Variants in SLC15A5 observed in about 807,000 individuals in gnomAD.
The protein encoded by SLC15A5 is solute carrier family 15 member 5, also known as Peptide/histidine transporter ENSP00000340402.
Under a neutral mutation model 56.1 loss-of-function variants are expected in SLC15A5, and 58 were observed. The observed-to-expected ratio is 1.03, with a 90% confidence interval of 0.84 to 1.29. SLC15A5 has a LOEUF of 1.29. Among genes scored for constraint, SLC15A5 ranks in the 50% most tolerant of loss-of-function variants. The pLI, the probability that SLC15A5 is intolerant of heterozygous loss-of-function variation, is 0.00. For missense variants in SLC15A5, 681 were observed against 672.1 expected (o/e 1.01, Z -0.15); for synonymous variants, 264 against 250.5 (o/e 1.05, Z -0.51).
At chr12:16,233,486 C>T (rs1479517822) in intron 5 of SLC15A5, among the ~76,000 whole-genome samples, 1 of 152,170 alleles carries the variant, frequency 6.6e-6, no homozygotes, top group Non-Finnish European at 1.5e-5. Flanking sequence ...AAATGTTCAT[C>T]TGTGTAAACC....
At chr12:16,233,704 C>T (rs1022659091) in intron 5 of SLC15A5, among the ~76,000 whole-genome samples, 4 of 152,192 alleles carry the variant, frequency 2.6e-5, no homozygotes, top group African/African-American at 7.2e-5. Context: ...TCTTTTGGGC[C>T]ACTTTCTTTG....
At chr12:16,276,475 C>T (rs549169717) in intron 1 of SLC15A5, among the ~76,000 whole-genome samples, 5 of 152,086 alleles carry the variant, frequency 3.3e-5, no homozygotes, top group African/African-American at 1.2e-4. Flanking sequence ...CACTTGTTCT[C>T]TCCTGAATTG....
At chr12:16,191,654 A>G (rs1356634871) in intron 8 of SLC15A5, among the ~76,000 whole-genome samples, 1 of 152,050 alleles carries the variant, frequency 6.6e-6, no homozygotes, top group Non-Finnish European at 1.5e-5. Flanking sequence ...ATCAGTATAG[A>G]AAAAAATCGG....
Position 16,196,029 on chromosome 12 carries a change from TTGTAAAGGTAA to T in SLC15A5, c.1484-1587_1484-1577del, listed in dbSNP as rs1479577948. On this transcript the variant is annotated intron_variant, in intron 7 of 8. Coordinates refer to ENST00000344941, the MANE Select transcript of SLC15A5 (RefSeq NM_001170798.1). The surrounding 1 kb of genome is among the most constrained non-coding windows in gnomAD (Gnocchi z 4.0). The stretch of plus-strand genomic sequence containing the variant: ...GTATTATTTTGTCAAAAGAACTGGG[TTGTAAAGGTAA>T]TCCTGATTATGCTATTAATTTGCAG... 6.6e-6 allele frequency among the ~76,000 whole-genome samples: 1 copy of T among 152,056 alleles called. No homozygotes were observed. Among genetic ancestry groups the T allele is most frequent in the Non-Finnish European group, 1.5e-5 (1 of 67,996 alleles).
At chr12:16,197,823 G>A (rs190559163) in intron 7 of SLC15A5, among the ~76,000 whole-genome samples, 2 of 151,324 alleles carry the variant, frequency 1.3e-5, no homozygotes, top group African/African-American at 2.4e-5. Context: ...AGTTGACTCC[G>A]CTCTTAGGTA....
chr12:16,199,947 A>C (rs967695426), intron 7 of SLC15A5, among the ~76,000 whole-genome samples: 10 of 152,038 alleles, frequency 6.6e-5, no homozygotes, highest in Non-Finnish European at 1.0e-4. Flanking sequence ...AAAATGCTGT[A>C]AAGTTCTCAT....
rs1051035225 is a variant in SLC15A5, at chr12:16,277,192, A to G, written c.361+133T>C. 2.6e-5 allele frequency: 23 copies of G among 888,698 alleles called. No individual in the cohort carries two copies. In the Middle Eastern group the frequency reaches 1.2e-3, roughly 47 times the overall value. The allele number at this position is 888,698 out of a possible 1,614,324, so 55.1% of individuals were successfully genotyped here. A position where few individuals can be genotyped will look rare whatever the true frequency, so the allele number is the denominator to read the frequency against. ...TCAAATAGTACAAAGAATGAAATAC[A>G]TTGAACCCACATTCTTACTTCATTT... is the stretch of plus-strand genomic sequence containing the variant. On this transcript the variant is annotated intron_variant, in intron 1 of 8. Transcript: ENST00000344941.
At position 16,258,952 on chromosome 12, in the gene SLC15A5, G is replaced by A. The variant is rs1301798755; in HGVS notation, c.585-1082C>T. On this transcript the variant is annotated intron_variant, in intron 2 of 8. Coordinates refer to ENST00000344941, the MANE Select transcript of SLC15A5 (RefSeq NM_001170798.1). ...GGGTCCAAACAAGTGTGGTCCACTG[G>A]GGGTCATCCTGGGGCATGTCTGCCA... Among the ~76,000 whole-genome samples the A allele has an allele frequency of 2.0e-5, 3 of 151,500 alleles. No individual in the cohort carries two copies. The East Asian group carries it at 5.8e-4, about 29-fold the overall frequency.
At chr12:16,252,556 T>TAGTATTGAAAAGATAAA (rs1462327007) in intron 3 of SLC15A5, among the ~76,000 whole-genome samples, 5 of 152,018 alleles carry the variant, frequency 3.3e-5, no homozygotes, top group African/African-American at 1.2e-4. Context: ...CCATATACTA[T>TAGTATTGAAAAGATAAA]AGCATTGAAA....
chr12:16,209,702 A>G (rs976148933), intron 7 of SLC15A5, among the ~76,000 whole-genome samples: 1 of 152,112 alleles, frequency 6.6e-6, no homozygotes, highest in Admixed American at 6.5e-5. Flanking sequence ...CTTGCATCCT[A>G]CTGTCTCCTG....
At chr12:16,225,683 A>AACAG (rs1290432345) in intron 5 of SLC15A5, among the ~76,000 whole-genome samples, 4 of 152,264 alleles carry the variant, frequency 2.6e-5, no homozygotes, top group Non-Finnish European at 5.9e-5. Flanking sequence ...TTATGCAGCC[A>AACAG]ACAGACACAT....
chr12:16,209,505 T>C (rs1712198481), intron 7 of SLC15A5, among the ~76,000 whole-genome samples: 1 of 152,198 alleles, frequency 6.6e-6, no homozygotes, highest in Non-Finnish European at 1.5e-5. Flanking sequence ...GACCTTTTTT[T>C]CTGGCCTCCA....
At chr12:16,257,198 A>G (rs1025440908) in intron 3 of SLC15A5, among the ~76,000 whole-genome samples, 2 of 152,134 alleles carry the variant, frequency 1.3e-5, no homozygotes, top group South Asian at 2.1e-4. Context: ...ACTTTTATGT[A>G]TGCATACACC....
At chr12:16,200,293 T>A (rs898551386) in intron 7 of SLC15A5, among the ~76,000 whole-genome samples, 2 of 151,634 alleles carry the variant, frequency 1.3e-5, no homozygotes, top group Non-Finnish European at 2.9e-5. Flanking sequence ...AAGGAAAAAC[T>A]ATTTTAAAGG....
intron 3 of SLC15A5, among the ~76,000 whole-genome samples, chr12:16,253,907 A>AT (rs1367011046): frequency 1.3e-5 from 2 of 152,146 alleles, no homozygotes; most frequent in East Asian, 3.9e-4. Context: ...AATTACTACT[A>AT]TATGATTCAG....
chr12:16,257,479 T>G (rs1006444689), intron 3 of SLC15A5, among the ~76,000 whole-genome samples: 2 of 152,178 alleles, frequency 1.3e-5, no homozygotes, highest in African/African-American at 4.8e-5. Context: ...CCTCTCAACT[T>G]TTCATTGGGT....
chr12:16,204,574 A>C (rs1799517), intron 7 of SLC15A5, among the ~76,000 whole-genome samples: 1 of 151,772 alleles, frequency 6.6e-6, no homozygotes, highest in Non-Finnish European at 1.5e-5. Context: ...ACTATATATC[A>C]TAAAATTATT....
intron 7 of SLC15A5, among the ~76,000 whole-genome samples, chr12:16,203,964 G>A (rs1863988615): frequency 6.6e-6 from 1 of 151,970 alleles, no homozygotes; most frequent in South Asian, 2.1e-4. Flanking sequence ...TAGCAAAAAG[G>A]AAAAATGTAT....
At chr12:16,230,686 G>C (rs1024044979) in intron 5 of SLC15A5, among the ~76,000 whole-genome samples, 1 of 151,434 alleles carries the variant, frequency 6.6e-6, no homozygotes, top group Non-Finnish European at 1.5e-5. Context: ...GGCCGAGGCG[G>C]GTGGATCACG....
Sources: gnomAD v4.1 joint callset for allele counts (sites outside exome capture counted in the v4.1 genomes callset) on GRCh38, gnomAD v4.1.1 for gene constraint, Gnocchi (gnomAD v3.1) non-coding constraint, MANE v1.5 for transcripts, NCBI Gene and HGNC (gene_info 2026-07-23, HGNC 2026-07-21) for gene names.